HACL1: variants seen among roughly 807,000 people sequenced by gnomAD.
HACL1 encodes the protein 2-hydroxyacyl-CoA lyase 1, also known as 1600020H07Rik.
A neutral mutation model predicts 74.2 loss-of-function variants in HACL1; 64 were observed. The observed-to-expected ratio is 0.86, with a 90% CI of 0.70 to 1.06. The LOEUF (loss-of-function observed/expected upper bound fraction) is 1.06. Among genes scored for constraint, HACL1 ranks in the 50% least tolerant of loss-of-function variants. The pLI is 0.00. For missense variants in HACL1, 728 were observed against 719.7 expected, an observed-to-expected ratio of 1.01 and a Z score of -0.13; for synonymous variants, 230 against 238.8, an observed-to-expected ratio of 0.96 and a Z score of 0.34.
chr3:15,599,535 T>C (rs1011196918), intron 2 of HACL1, among the ~76,000 whole-genome samples: 2 of 152,206 alleles, frequency 1.3e-5, no homozygotes, highest in East Asian at 3.9e-4. Context: ...ATTCAAACTC[T>C]TTTTAGATTT....
intron 9 of HACL1, among the ~76,000 whole-genome samples, chr3:15,578,678 C>T (rs572339272): frequency 1.3e-5 from 2 of 152,238 alleles, no homozygotes; most frequent in African/African-American, 4.8e-5. Context: ...GGCAGCCTTA[C>T]TGCAGAGCTG....
At position 15,581,005 on chromosome 3, in the gene HACL1, G is replaced by A. The variant is rs182773984; in HGVS notation, c.668-960C>T. Among the ~76,000 whole-genome samples the A allele has an allele frequency of 3.2e-3, 480 of 152,348 alleles. 1 individual carries two copies. Among genetic ancestry groups the A allele is most frequent in the African/African-American group, 0.011 (445 of 41,582 alleles). On this transcript the variant is annotated intron_variant, in intron 8 of 16. Transcript: ENST00000321169. ...CAACCTCCACCTCCCGGGTTCAAGCGATTCTCCTGCCTCAGCCTCCCAAGT... is the reference window on the plus strand; with the variant it reads ...CAACCTCCACCTCCCGGGTTCAAGCAATTCTCCTGCCTCAGCCTCCCAAGT...
intron 3 of HACL1, among the ~76,000 whole-genome samples, chr3:15,592,233 T>C (rs902246555): frequency 4.0e-5 from 6 of 150,544 alleles, no homozygotes; most frequent in Non-Finnish European, 8.9e-5. Context: ...TACATACGTA[T>C]ATACGTATAC....
chr3:15,591,764 G>T, intron 3 of HACL1, 84 bp from the exon 4 acceptor site: 1 of 772,260 alleles, frequency 1.3e-6, no homozygotes, highest in Non-Finnish European at 2.2e-6. Context: ...TGGCAATCTT[G>T]GACTTCAAAG....
chr3:15,577,975 G>C (rs994645801), intron 9 of HACL1, among the ~76,000 whole-genome samples: 1 of 151,728 alleles, frequency 6.6e-6, no homozygotes. Flanking sequence ...GCAGGCGCCT[G>C]TAGTCCCAGC....
chr3:15,576,013 GGTTGT>G (rs779396145), intron 9 of HACL1, among the ~76,000 whole-genome samples: 115,871 of 116,262 alleles, frequency 1, 57,758 homozygotes, highest in Middle Eastern at 1. Flanking sequence ...AAAATTAGCT[GGTTGT>G]GGTGGTGCGT....
intron 12 of HACL1, among the ~76,000 whole-genome samples, chr3:15,569,736 C>T (rs2063492874): frequency 6.6e-6 from 1 of 151,792 alleles, no homozygotes; most frequent in South Asian, 2.1e-4. Flanking sequence ...AGGAGAATTG[C>T]ATGAACCCAG....
At chr3:15,578,444 A>T (rs2063663467) in intron 9 of HACL1, among the ~76,000 whole-genome samples, 1 of 152,228 alleles carries the variant, frequency 6.6e-6, no homozygotes, top group Non-Finnish European at 1.5e-5. Flanking sequence ...TGAAGAAGCA[A>T]CCCACACAGA....
chr3:15,586,905 A>G (rs953029360), intron 5 of HACL1, among the ~76,000 whole-genome samples: 7 of 152,130 alleles, frequency 4.6e-5, no homozygotes, highest in Admixed American at 3.3e-4. Context: ...GAGACTATAA[A>G]TGGGAAAGGA....
chr3:15,592,446 A>G (rs1385723939), intron 3 of HACL1, among the ~76,000 whole-genome samples: 1 of 139,360 alleles, frequency 7.2e-6, no homozygotes, highest in East Asian at 2.1e-4. Context: ...ACACACGTAT[A>G]CATACACACA....
chr3:15,598,281 A>G (rs955357914), intron 2 of HACL1, among the ~76,000 whole-genome samples: 3 of 152,094 alleles, frequency 2.0e-5, no homozygotes, highest in African/African-American at 7.2e-5. Context: ...TCAGCCTCCC[A>G]AAGTGCTGGG....
intron 7 of HACL1, among the ~76,000 whole-genome samples, chr3:15,583,838 C>T (rs556498184): frequency 2.0e-5 from 3 of 151,600 alleles, no homozygotes; most frequent in Non-Finnish European, 4.4e-5. Context: ...TTGTATTTTT[C>T]GTAGAGATGG....
At chr3:15,590,740 A>T (rs773912860) in intron 4 of HACL1, among the ~76,000 whole-genome samples, 2 of 152,242 alleles carry the variant, frequency 1.3e-5, no homozygotes, top group Non-Finnish European at 2.9e-5. Flanking sequence ...AGAACTACAC[A>T]TACGTTCACA....
Position 15,575,006 on chromosome 3 carries a change from T to C in HACL1, c.880A>G (p.Arg294Gly), listed in dbSNP as rs1233925767. The C allele has an allele frequency of 1.3e-6, 2 of 1,578,164 alleles. No individual in the cohort carries two copies. The highest frequency in any genetic ancestry group is 2.2e-5 in the East Asian group (1 of 44,628). Residue 294 changes from arginine to glycine, a missense_variant, in exon 10 of 17, where the codon AGA becomes GGA. Arg to Gly is a moderately radical substitution (Grantham distance 125). Coordinates refer to ENST00000321169, the MANE Select transcript of HACL1 (RefSeq NM_012260.4). Reference sequence around the variant, plus strand: ...ATAAACTTCACATCTGGCTGATATCTTGGAGGCAGTCCAAAATGTAAAATC... The same window carrying C: ...ATAAACTTCACATCTGGCTGATATCCTGGAGGCAGTCCAAAATGTAAAATC... ...NWILHFGLPPRYQPDVKFIQV... is the reference protein window; with the variant it reads ...NWILHFGLPPGYQPDVKFIQV...
intron 9 of HACL1, among the ~76,000 whole-genome samples, 162 bp from the exon 10 acceptor site, chr3:15,575,244 T>C (rs1446739846): frequency 1.3e-5 from 2 of 152,194 alleles, no homozygotes; most frequent in Non-Finnish European, 2.9e-5. Flanking sequence ...AAATAATTTA[T>C]AAAACCATTC....
intron 7 of HACL1, among the ~76,000 whole-genome samples, chr3:15,584,958 T>C (rs1347112451): frequency 6.6e-6 from 1 of 152,204 alleles, no homozygotes; most frequent in South Asian, 2.1e-4. Context: ...CAAGGACCCA[T>C]ATTACATTAA....
At chr3:15,564,459 T>G (rs878948616) in intron 15 of HACL1, 92 bp downstream of exon 15, 1 of 680,876 alleles carries the variant, frequency 1.5e-6, no homozygotes. Context: ...ACTCATACCA[T>G]GTAGGCACAT....
At chr3:15,571,076 T>A (rs979730366) in intron 12 of HACL1, among the ~76,000 whole-genome samples, 4 of 151,380 alleles carry the variant, frequency 2.6e-5, no homozygotes, top group Admixed American at 6.6e-5. Context: ...ACTCCTAGAG[T>A]CAAGCAATCC....
At chr3:15,564,686 A>C in intron 14 of HACL1, 28 bp from the exon 15 acceptor site, 1 of 871,698 alleles carries the variant, frequency 1.1e-6, no homozygotes, top group Non-Finnish European at 1.8e-6. Context: ...TATGAAGGAA[A>C]TCATTCTTCA....
Sources: allele counts gnomAD v4.1 joint callset (sites outside exome capture counted in the v4.1 genomes callset), GRCh38; gene constraint gnomAD v4.1.1; transcripts MANE v1.5; gene names NCBI Gene and HGNC (gene_info 2026-07-23, HGNC 2026-07-21).